The following SUCO variants were observed in gnomAD, a reference collection of about 807,000 sequenced individuals.
SUCO encodes SUN domain-containing ossification factor.
A neutral mutation model predicts 148.1 loss-of-function variants in SUCO; 57 were observed. The ratio of observed to expected loss-of-function variants is 0.38; its 90% CI spans 0.31 to 0.48. SUCO has a LOEUF of 0.48. Ranked by LOEUF, SUCO falls within the 20% of genes least tolerant of loss-of-function variation. SUCO has a pLI of 0.96. For synonymous variants in SUCO, 470 were observed against 502.7 expected, an observed-to-expected ratio of 0.93 and a Z score of 0.87; for missense variants, 1,331 against 1,468.2, an observed-to-expected ratio of 0.91 and a Z score of 1.53.
intron 1 of SUCO, chr1:172,541,797 T>C (rs12729335): frequency 0.23 from 214,897 of 948,460 alleles, 25,491 homozygotes; most frequent in South Asian, 0.27. Context: ...AAGTAACTGC[T>C]TTCTTGGAGC....
At chr1:172,590,637 G>C (rs1236828114) in intron 18 of SUCO, among the ~76,000 whole-genome samples, 3 of 151,980 alleles carry the variant, frequency 2.0e-5, no homozygotes, top group Non-Finnish European at 2.9e-5. Context: ...CCACTAATAA[G>C]GTGTCACCAA....
Position 172,533,375 on chromosome 1 carries a change from C to G in SUCO, c.-61C>G, listed in dbSNP as rs978640954. 2.6e-6 allele frequency: 4 copies of G among 1,551,592 alleles called. No individual in the cohort carries two copies. Among genetic ancestry groups the G allele is most frequent in the Non-Finnish European group, 2.6e-6 (3 of 1,147,084 alleles). On this transcript the variant is annotated 5_prime_UTR_variant, in exon 1 of 24. Coordinates refer to ENST00000263688, the MANE Select transcript of SUCO (RefSeq NM_014283.5). ...TGCTCCGGCTCCTCCATCTTGGCCT[C>G]GGCAGTGGCGGCTGCCGGGAGGATG... is the stretch of plus-strand genomic sequence containing the variant.
chr1:172,558,417 C>T (rs1223839473), intron 6 of SUCO, among the ~76,000 whole-genome samples: 1 of 152,120 alleles, frequency 6.6e-6, no homozygotes, highest in African/African-American at 2.4e-5. Flanking sequence ...TAAGCAATAA[C>T]TAAGTTACAG....
At chr1:172,562,476 C>A (rs773309980) in intron 6 of SUCO, among the ~76,000 whole-genome samples, 1 of 152,018 alleles carries the variant, frequency 6.6e-6, no homozygotes, top group Non-Finnish European at 1.5e-5. Flanking sequence ...GGACTACAGG[C>A]GTGCACCACC....
In SUCO at chr1:172,611,511, C is replaced by G. The variant is rs930485639; in HGVS notation, c.*1252C>G. On this transcript the variant is annotated 3_prime_UTR_variant, in exon 24 of 24. Coordinates refer to ENST00000263688, the MANE Select transcript of SUCO (RefSeq NM_014283.5). ...TTTAGTAGTGATAACTGTTTTTAAA[C>G]TTGCCTAATACCTTTCTTGGGTATT... The G allele has an allele frequency of 2.6e-5, 4 of 152,560 alleles. No homozygotes were observed. The highest frequency in any genetic ancestry group is 5.9e-5 in the Non-Finnish European group (4 of 68,026). 9.5% of individuals were successfully genotyped at this position (152,560 alleles called of 1,614,324 possible).
chr1:172,582,308 T>C (rs561057657), intron 15 of SUCO, among the ~76,000 whole-genome samples: 72 of 152,250 alleles, frequency 4.7e-4, no homozygotes, highest in African/African-American at 1.7e-3. Context: ...ATAGTACACA[T>C]AGGAGGAAGT....
intron 17 of SUCO, chr1:172,588,078 G>A (rs1162776595): frequency 1.0e-6 from 1 of 984,798 alleles, no homozygotes; most frequent in Non-Finnish European, 1.2e-6. Flanking sequence ...TTAGGTATTT[G>A]GCTTAGAAGA....
rs1653817525 is a variant in SUCO, at chr1:172,557,254, A to G, written c.444-26A>G. The G allele has an allele frequency of 1.9e-6, 3 of 1,607,356 alleles. No homozygotes were observed. The African/African-American group carries it at 4.0e-5, about 22-fold the overall frequency. ...TACCTCAAGTTTATTTAATTACCAGATTATGTTTCTTGTTTCTTTTTTTAG... is the reference window on the plus strand; with the variant it reads ...TACCTCAAGTTTATTTAATTACCAGGTTATGTTTCTTGTTTCTTTTTTTAG... On this transcript the variant is annotated intron_variant, in intron 4 of 23. Transcript: ENST00000263688.
In SUCO at chr1:172,608,453, G is replaced by T. The variant is rs1046039985; in HGVS notation, c.3266-294G>T. ...GTAAAAGAGTGAGGCTGGGCCCAAA[G>T]AAAGATCGTTATTGTATTGGTTGAT... is the stretch of plus-strand genomic sequence containing the variant. On this transcript the variant is annotated intron_variant, in intron 22 of 23. Transcript: ENST00000263688. 2.9e-5 allele frequency: 11 copies of T among 373,380 alleles called. No individual in the cohort carries two copies. The Admixed American group carries it at 5.2e-4, about 18-fold the overall frequency. The allele number at this position is 373,380 out of a possible 1,614,324, so 23.1% of individuals were successfully genotyped here. A position where few individuals can be genotyped will look rare whatever the true frequency, so the allele number is the denominator to read the frequency against.
chr1:172,533,412 G>C lies in SUCO; in HGVS notation c.-24G>C, dbSNP rs779443744. The C allele has an allele frequency of 1.6e-5, 25 of 1,554,058 alleles. No homozygotes were observed. The African/African-American group carries it at 2.9e-4, about 18-fold the overall frequency. On this transcript the variant is annotated 5_prime_UTR_variant, in exon 1 of 24. Transcript: ENST00000263688. ...CTGCCGGGAGGATGTGCCGCCTTCT[G>C]GCAGGGGGAAGAAGGAGGAGAAGAT...
At chr1:172,567,254 G>T (rs1377367828) in intron 6 of SUCO, among the ~76,000 whole-genome samples, 1 of 152,186 alleles carries the variant, frequency 6.6e-6, no homozygotes, top group Non-Finnish European at 1.5e-5. Flanking sequence ...CTATCTAATA[G>T]ATTTTGTACA....
chr1:172,542,827 A>T, intron 1 of SUCO: 1 of 985,384 alleles, frequency 1.0e-6, no homozygotes, highest in Non-Finnish European at 1.2e-6. Flanking sequence ...ACTGGAAAGG[A>T]TGGATGGAAA....
chr1:172,573,449 T>C (rs1655194855), intron 9 of SUCO, among the ~76,000 whole-genome samples: 1 of 152,134 alleles, frequency 6.6e-6, no homozygotes, highest in Non-Finnish European at 1.5e-5. Flanking sequence ...TAGCAAAATA[T>C]ATATACAAAG....
intron 6 of SUCO, among the ~76,000 whole-genome samples, chr1:172,565,133 G>A (rs1291978846): frequency 6.6e-6 from 1 of 152,144 alleles, no homozygotes; most frequent in Admixed American, 6.6e-5. Context: ...TAAAGCCTAT[G>A]CACATAAGTA....
rs756877995 is a variant in SUCO, at chr1:172,589,668, T to C, written c.2567T>C (p.Val856Ala). The change falls in exon 18 of 24, where the codon GTT (valine) becomes GCT (alanine). Residue 856 changes from valine (V) to alanine (A), a missense_variant. Around this residue, in one of 3 missense-constraint regions of SUCO, gnomAD observed 992 missense variants for 1,093.5 expected, o/e 0.91. Transcript: ENST00000263688. ...ACAGCAAAGCAAACTTTGATTTCTG[T>C]TGTGGATTCTTCTTCATTACCTGAA... ...ADTAKQTLIS[V>A]VDSSSLPEVK... 4 of 1,613,858 alleles carry C rather than the reference T, an allele frequency of 2.5e-6. No homozygotes were observed. Among genetic ancestry groups the C allele is most frequent in the Non-Finnish European group, 3.4e-6 (4 of 1,179,862 alleles).
At chr1:172,532,814 G>A (rs1231440545), upstream of SUCO, 7 of 1,591,898 alleles carry the variant, frequency 4.4e-6, no homozygotes, top group Non-Finnish European at 6.0e-6. Context: ...CCACTGTAAG[G>A]GGAAATGCTG....
At chr1:172,572,696 TAAAAA>T (rs61248782) in intron 9 of SUCO, among the ~76,000 whole-genome samples, 126 of 49,604 alleles carry the variant, frequency 2.5e-3, no homozygotes, top group African/African-American at 8.5e-3. Context: ...GAATGATCAA[TAAAAA>T]AAAAAAAAAA....
rs576292919 is a variant in SUCO, at chr1:172,560,484, C to T, written c.732+2690C>T. ...GTCTGTTATTGAGAAATACATTTGC[C>T]AAAGAGTCTAGGGACTCTTGAATTC... On this transcript the variant is annotated intron_variant, in intron 6 of 23. Transcript: ENST00000263688. Among the ~76,000 whole-genome samples the T allele has an allele frequency of 3.3e-5, 5 of 152,318 alleles. No homozygotes were observed. In the East Asian group the frequency reaches 9.6e-4, roughly 29 times the overall value.
At chr1:172,599,088 C>T (rs947242035) in intron 19 of SUCO, among the ~76,000 whole-genome samples, 8 of 152,326 alleles carry the variant, frequency 5.3e-5, no homozygotes, top group African/African-American at 1.4e-4. Flanking sequence ...TTCCTGCCCT[C>T]GTTTCCTCCT....
Sources: allele counts gnomAD v4.1 joint callset (sites outside exome capture counted in the v4.1 genomes callset), GRCh38; gene constraint gnomAD v4.1.1; regional missense constraint gnomAD v4.1.1; transcripts MANE v1.5; gene names NCBI Gene and HGNC (gene_info 2026-07-23, HGNC 2026-07-21).